Variants in USP34 observed in about 807,000 individuals in gnomAD.
USP34 encodes the protein ubiquitin carboxyl-terminal hydrolase 34.
USP34 carries 70 observed loss-of-function variants against 460.3 expected under a neutral mutation model. The ratio of observed to expected loss-of-function variants is 0.15; its 90% CI spans 0.13 to 0.19. The LOEUF (loss-of-function observed/expected upper bound fraction) is 0.19. Ranked by LOEUF, USP34 falls within the 10% of genes least tolerant of loss-of-function variation. USP34 has a pLI of 1.00. For missense variants in USP34, 3,985 were observed against 4,236.2 expected (o/e 0.94, Z 1.65); for synonymous variants, 1,647 against 1,405.3 (o/e 1.17, Z -3.85).
chr2:61,268,609 C>A (rs963546636), intron 41 of USP34, among the ~76,000 whole-genome samples: 2 of 151,960 alleles, frequency 1.3e-5, no homozygotes, highest in African/African-American at 2.4e-5. Flanking sequence ...CCTTATAACA[C>A]CGCAAAATGA....
chr2:61,259,627 C>G (rs1688818314), intron 44 of USP34, 84 bp downstream of exon 44: 1 of 1,252,776 alleles, frequency 8.0e-7, no homozygotes, highest in Non-Finnish European at 1.1e-6. Context: ...CTCAAGCCAT[C>G]CACCCACCTT....
At chr2:61,333,329 G>T (rs1365481901) in intron 19 of USP34, among the ~76,000 whole-genome samples, 1 of 152,052 alleles carries the variant, frequency 6.6e-6, no homozygotes, top group Admixed American at 6.6e-5. Flanking sequence ...AATATTCGCA[G>T]AATGCATAGC....
intron 1 of USP34, among the ~76,000 whole-genome samples, chr2:61,466,261 C>T (rs757485479): frequency 1.3e-5 from 2 of 152,008 alleles, no homozygotes; most frequent in Non-Finnish European, 2.9e-5. Context: ...CCCATCTCTA[C>T]TAAAAATACA....
At chr2:61,293,329 T>C in intron 33 of USP34, 135 bp downstream of exon 33, 1 of 522,960 alleles carries the variant, frequency 1.9e-6, no homozygotes. Context: ...AAACTGTATT[T>C]TTAAATTCAT....
chr2:61,401,911 A>G (rs1371652165), intron 3 of USP34, among the ~76,000 whole-genome samples: 1 of 151,522 alleles, frequency 6.6e-6, no homozygotes, highest in African/African-American at 2.4e-5. Context: ...ACACTAGAGC[A>G]ATTATCTGAT....
intron 68 of USP34, among the ~76,000 whole-genome samples, chr2:61,212,925 C>T (rs1262790276): frequency 6.6e-6 from 1 of 152,056 alleles, no homozygotes; most frequent in Non-Finnish European, 1.5e-5. Context: ...AATCCTATCC[C>T]GACCCCTTTG....
At chr2:61,335,970 T>C (rs1455988225) in intron 18 of USP34, among the ~76,000 whole-genome samples, 3 of 152,150 alleles carry the variant, frequency 2.0e-5, no homozygotes, top group Non-Finnish European at 4.4e-5. Flanking sequence ...TCTTCACAGC[T>C]GAAGTTACAT....
chr2:61,403,369 T>C (rs1036941653), intron 3 of USP34, among the ~76,000 whole-genome samples: 4 of 152,094 alleles, frequency 2.6e-5, no homozygotes, highest in Non-Finnish European at 4.4e-5. Flanking sequence ...AAATTTTTAA[T>C]TGGAAAAAAT....
intron 60 of USP34, 23 bp downstream of exon 60, chr2:61,228,804 A>C: frequency 6.3e-7 from 1 of 1,588,624 alleles, no homozygotes; most frequent in Non-Finnish European, 8.5e-7. Context: ...ATAATCAAAA[A>C]AATAGACAAG....
At chr2:61,341,536 A>G (rs946723986) in intron 16 of USP34, among the ~76,000 whole-genome samples, 2 of 152,008 alleles carry the variant, frequency 1.3e-5, no homozygotes, top group South Asian at 2.1e-4. Context: ...TTGAGTTCAG[A>G]TAAGATCTGG....
intron 1 of USP34, among the ~76,000 whole-genome samples, chr2:61,437,502 G>A (rs557978038): frequency 1.5e-4 from 23 of 152,148 alleles, no homozygotes; most frequent in East Asian, 9.6e-4. Context: ...TGCCAGGCAC[G>A]GTGGCTCATG....
At chr2:61,366,239 A>C (rs1692436809) in intron 10 of USP34, among the ~76,000 whole-genome samples, 1 of 152,184 alleles carries the variant, frequency 6.6e-6, no homozygotes, top group African/African-American at 2.4e-5. Context: ...ATACCTTTTT[A>C]AAATGTAATA....
intron 1 of USP34, among the ~76,000 whole-genome samples, chr2:61,460,647 CT>C (rs11286300): frequency 0.61 from 92,671 of 151,860 alleles, 28,391 homozygotes; most frequent in Middle Eastern, 0.69. Flanking sequence ...ACTGTATACC[CT>C]TTTTCTCCTC....
At chr2:61,384,904 G>T (rs1011234634) in intron 5 of USP34, among the ~76,000 whole-genome samples, 3 of 151,800 alleles carry the variant, frequency 2.0e-5, no homozygotes, top group South Asian at 2.1e-4. Context: ...AAAGGCAAAG[G>T]ACTAGAAAGA....
chr2:61,314,400 C>G (rs1455456595), intron 25 of USP34, among the ~76,000 whole-genome samples, 185 bp downstream of exon 25: 1 of 152,056 alleles, frequency 6.6e-6, no homozygotes, highest in African/African-American at 2.4e-5. Context: ...CCCGTATTGC[C>G]TATTCCAAGG....
chr2:61,468,167 A>T (rs1249642272), intron 1 of USP34, among the ~76,000 whole-genome samples: 1 of 152,204 alleles, frequency 6.6e-6, no homozygotes, highest in African/African-American at 2.4e-5. Context: ...GGTATAAACT[A>T]CACATGTAAT....
intron 34 of USP34, among the ~76,000 whole-genome samples, chr2:61,286,796 A>C (rs185934989): frequency 3.2e-4 from 48 of 152,352 alleles, no homozygotes; most frequent in African/African-American, 9.4e-4. Context: ...TTGTAGTTGC[A>C]TATTATTTTT....
chr2:61,189,192 T>G, intron 78 of USP34, 123 bp from the exon 79 acceptor site: 1 of 993,342 alleles, frequency 1.0e-6, no homozygotes, highest in Non-Finnish European at 1.5e-6. Context: ...TACCCTGGTT[T>G]CTCTGGGATT....
chr2:61,250,862 G>A (rs200765253), intron 48 of USP34, among the ~76,000 whole-genome samples: 2 of 152,180 alleles, frequency 1.3e-5, no homozygotes, highest in East Asian at 1.9e-4. Flanking sequence ...CTGTAGGCTG[G>A]GTGCGGTGGC....
Sources: gnomAD v4.1 joint callset for allele counts (sites outside exome capture counted in the v4.1 genomes callset) on GRCh38, gnomAD v4.1.1 for gene constraint, MANE v1.5 for transcripts, NCBI Gene and HGNC (gene_info 2026-07-23, HGNC 2026-07-21) for gene names.